The following FCRL1 variants were observed in gnomAD, a reference collection of about 807,000 sequenced individuals.
The protein encoded by FCRL1 is Fc receptor-like protein 1.
Under a neutral mutation model 49.2 loss-of-function variants are expected in FCRL1, and 34 were observed. The observed-to-expected ratio is 0.69, with a 90% confidence interval of 0.53 to 0.92. The LOEUF is 0.92. FCRL1 is among the 40% of genes least tolerant of loss of function. The pLI, the probability that FCRL1 is intolerant of heterozygous loss-of-function variation, is 0.00. For synonymous variants in FCRL1, 218 were observed against 201.6 expected (o/e 1.08, Z -0.69); for missense variants, 524 against 524.1 (o/e 1.00, Z 0.00).
intron 1 of FCRL1, among the ~76,000 whole-genome samples, chr1:157,809,184 A>C (rs574723198): frequency 6.6e-6 from 1 of 152,326 alleles, no homozygotes; most frequent in East Asian, 1.9e-4. Flanking sequence ...ATGAAGTGAC[A>C]TAATTATATA....
intron 9 of FCRL1, 97 bp from the exon 10 acceptor site, chr1:157,797,229 C>A: frequency 8.9e-7 from 1 of 1,125,004 alleles, no homozygotes; most frequent in South Asian, 1.3e-5. Flanking sequence ...CCATCTATTT[C>A]CCATGAATTG....
rs776912424 is a variant in FCRL1, at chr1:157,803,845, T to C, written c.319A>G (p.Arg107Gly). 6.2e-7 allele frequency: 1 copy of C among 1,613,504 alleles called. No homozygotes were observed. Among genetic ancestry groups the C allele is most frequent in the East Asian group, 2.2e-5 (1 of 44,870 alleles). The change falls in exon 3 of 11, where the codon AGG (arginine) becomes GGG (glycine). Residue 107 changes from arginine (R) to glycine (G), a missense_variant and splice_region_variant. By Grantham distance (125) the Arg-to-Gly change is moderately radical. Coordinates refer to ENST00000368176, the MANE Select transcript of FCRL1 (RefSeq NM_052938.5). ...RSRRSQINVHRVPVADVSLET... is the reference protein window; with the variant it reads ...RSRRSQINVHGVPVADVSLET... The stretch of plus-strand genomic sequence containing the variant: ...GCAGACTGACCCCACTGACACTCAC[T>C]GTGCACATTTATCTGGGATCTCCTG...
chr1:157,808,845 G>T (rs560112663), intron 1 of FCRL1, among the ~76,000 whole-genome samples: 1 of 152,120 alleles, frequency 6.6e-6, no homozygotes, highest in African/African-American at 2.4e-5. Flanking sequence ...AATTGCTTAT[G>T]GATTAAATAG....
rs77103775 is a variant in FCRL1, at chr1:157,795,360, A to G, written c.*739T>C. On this transcript the variant is annotated 3_prime_UTR_variant, in exon 11 of 11. Coordinates refer to ENST00000368176, the MANE Select transcript of FCRL1 (RefSeq NM_052938.5). ...ACAGAGTGAGACCCTGTCTCAATTTAAAAAAAAAATAATTAAGATACAGGT... is the reference window on the plus strand; with the variant it reads ...ACAGAGTGAGACCCTGTCTCAATTTGAAAAAAAAATAATTAAGATACAGGT... 1 of 150,116 alleles carries G rather than the reference A, an allele frequency of 6.7e-6. No homozygotes were observed. The highest frequency in any genetic ancestry group is 1.5e-5 in the Non-Finnish European group (1 of 67,408). 9.3% of individuals were successfully genotyped at this position (150,116 alleles called of 1,614,324 possible). A position where few individuals can be genotyped will look rare whatever the true frequency, so the allele number is the denominator to read the frequency against.
At position 157,804,023 on chromosome 1, in the gene FCRL1, A is replaced by T; in HGVS notation, c.141T>A (p.Asp47Glu). 6.2e-7 allele frequency: 1 copy of T among 1,614,220 alleles called. No individual in the cohort carries two copies. The highest frequency in any genetic ancestry group is 8.5e-7 in the Non-Finnish European group (1 of 1,180,050). ...TGAAAAAGCAGAACTGGAACTGGGC[A>T]TCTGAACTCTGTAGAAAGGGCATCT... ...TCKMPFLQSSDAQFQFCFFRD... is the reference protein window; with the variant it reads ...TCKMPFLQSSEAQFQFCFFRD... Residue 47 changes from aspartate to glutamate, a missense_variant, in exon 3 of 11, where the codon GAT (aspartate) becomes GAA (glutamate). Coordinates refer to ENST00000368176, the MANE Select transcript of FCRL1 (RefSeq NM_052938.5).
intron 3 of FCRL1, among the ~76,000 whole-genome samples, chr1:157,803,477 C>T (rs903024926): frequency 1.3e-5 from 2 of 152,158 alleles, no homozygotes; most frequent in African/African-American, 2.4e-5. Flanking sequence ...TCCTTTATCC[C>T]CCTTCTCTGT....
At chr1:157,815,510 A>T (rs547708403) in intron 1 of FCRL1, among the ~76,000 whole-genome samples, 1 of 152,036 alleles carries the variant, frequency 6.6e-6, no homozygotes, top group Non-Finnish European at 1.5e-5. Flanking sequence ...TAGAAGAAAG[A>T]TCTAAAATAG....
At chr1:157,814,397 T>A (rs531936050) in intron 1 of FCRL1, among the ~76,000 whole-genome samples, 22 of 152,020 alleles carry the variant, frequency 1.4e-4, no homozygotes, top group Admixed American at 2.0e-4. Context: ...TAAAGTACTC[T>A]ATTATAACTA....
rs549689133 is a variant in FCRL1, at chr1:157,811,399, T to C, written c.32-4277A>G. 2.0e-4 allele frequency among the ~76,000 whole-genome samples: 30 copies of C among 152,260 alleles called. 1 individual carries two copies. The highest frequency in any genetic ancestry group is 1.0e-3 in the Admixed American group (16 of 15,300). On this transcript the variant is annotated intron_variant, in intron 1 of 10. Coordinates refer to ENST00000368176, the MANE Select transcript of FCRL1 (RefSeq NM_052938.5). ...TGCCTCTGCAACTCTGTCTCCTCAGTCAGGATCAGCTTGGAATGCAGGCTG... is the reference window on the plus strand; with the variant it reads ...TGCCTCTGCAACTCTGTCTCCTCAGCCAGGATCAGCTTGGAATGCAGGCTG...
intron 10 of FCRL1, 83 bp from the exon 11 acceptor site, chr1:157,796,253 C>T: frequency 9.1e-7 from 1 of 1,096,258 alleles, no homozygotes; most frequent in Non-Finnish European, 1.4e-6. Flanking sequence ...AGCTTGGATG[C>T]ATCTTATCAT....
intron 1 of FCRL1, among the ~76,000 whole-genome samples, chr1:157,808,390 A>G (rs933553562): frequency 5.9e-5 from 9 of 152,210 alleles, no homozygotes; most frequent in East Asian, 5.8e-4. Flanking sequence ...AAAAACCTAA[A>G]TGAAATCAGG....
rs1253915297 is a variant in FCRL1, at chr1:157,794,417, A to C, written c.*1682T>G. ...AACCTCTTTCCTTTATAAATTACCC[A>C]GTCTTGGATATGTCTTTATTAGCAA... On this transcript the variant is annotated 3_prime_UTR_variant, in exon 11 of 11. Coordinates refer to ENST00000368176, the MANE Select transcript of FCRL1 (RefSeq NM_052938.5). 1 of 152,164 alleles carries C rather than the reference A, an allele frequency of 6.6e-6. No homozygotes were observed. The highest frequency in any genetic ancestry group is 1.5e-5 in the Non-Finnish European group (1 of 68,028). The allele number at this position is 152,164 out of a possible 1,614,324, so 9.4% of individuals were successfully genotyped here.
chr1:157,796,215 A>C, intron 10 of FCRL1, 45 bp from the exon 11 acceptor site: 2 of 1,495,250 alleles, frequency 1.3e-6, no homozygotes, highest in Non-Finnish European at 1.9e-6. Flanking sequence ...CAAGCAGAAC[A>C]TGCCTCCACT....
intron 1 of FCRL1, among the ~76,000 whole-genome samples, chr1:157,818,240 A>G (rs1441039378): frequency 6.6e-6 from 1 of 152,202 alleles, no homozygotes; most frequent in South Asian, 2.1e-4. Context: ...GATAGCCAAG[A>G]CAGCATCAAT....
intron 1 of FCRL1, among the ~76,000 whole-genome samples, chr1:157,819,496 G>C (rs749691835): frequency 6.6e-5 from 10 of 152,074 alleles, no homozygotes; most frequent in Admixed American, 5.9e-4. Flanking sequence ...AAGTAGCCCT[G>C]GGGTAATTGA....
intron 1 of FCRL1, among the ~76,000 whole-genome samples, chr1:157,807,722 A>T (rs1464393053): frequency 6.6e-6 from 1 of 152,214 alleles, no homozygotes; most frequent in African/African-American, 2.4e-5. Flanking sequence ...CAAGGACTTG[A>T]CCATAATATT....
chr1:157,818,917 C>A (rs1413353978), intron 1 of FCRL1, among the ~76,000 whole-genome samples: 1 of 152,068 alleles, frequency 6.6e-6, no homozygotes, highest in Non-Finnish European at 1.5e-5. Context: ...GATGATGGAG[C>A]AAACTTTTTG....
rs899346904 is a variant in FCRL1 at position 157,809,392 on chromosome 1, TA to T, written c.32-2271del. ...GTGGCAAAAAATAAATTAATTAATT[TA>T]AAAAAAAACCCTGTTTGTAAAAAAC... On this transcript the variant is annotated intron_variant, in intron 1 of 10. Transcript: ENST00000368176. Among the ~76,000 whole-genome samples the T allele has an allele frequency of 3.8e-3, 578 of 151,654 alleles. 2 individuals carry two copies. Among genetic ancestry groups the T allele is most frequent in the African/African-American group, 0.013 (528 of 41,290 alleles).
intron 7 of FCRL1, among the ~76,000 whole-genome samples, chr1:157,798,650 C>T (rs530186413): frequency 1.3e-5 from 2 of 151,000 alleles, no homozygotes; most frequent in Non-Finnish European, 3.0e-5. Context: ...AAGTGCTACT[C>T]TCATTTGAAA....
Sources: gnomAD v4.1 joint callset for allele counts (sites outside exome capture counted in the v4.1 genomes callset) on GRCh38, gnomAD v4.1.1 for gene constraint, MANE v1.5 for transcripts, NCBI Gene and HGNC (gene_info 2026-07-23, HGNC 2026-07-21) for gene names.